The following EPC2 variants were observed in gnomAD, a reference collection of about 807,000 sequenced individuals.
EPC2 encodes the protein enhancer of polycomb 2.
A neutral mutation model predicts 92.1 loss-of-function variants in EPC2; 14 were observed. The observed-to-expected ratio is 0.15, with a 90% CI of 0.10 to 0.24. The LOEUF is 0.24. EPC2 is among the 10% of genes least tolerant of loss of function. The pLI is 1.00. For synonymous variants in EPC2, 340 were observed against 334.7 expected (o/e 1.02, Z -0.17); for missense variants, 755 against 971.5 (o/e 0.78, Z 2.96).
chr2:148,755,394 AC>A (rs1189715241), intron 4 of EPC2, among the ~76,000 whole-genome samples: 1 of 152,132 alleles, frequency 6.6e-6, no homozygotes, highest in Non-Finnish European at 1.5e-5. Flanking sequence ...AAAACCCTGA[AC>A]TATCAATCGC....
At chr2:148,761,332 CA>C (rs1370955935) in intron 4 of EPC2, among the ~76,000 whole-genome samples, 1 of 152,154 alleles carries the variant, frequency 6.6e-6, no homozygotes, top group Non-Finnish European at 1.5e-5. Context: ...TACAGTGTAT[CA>C]AACCATCCAG....
At chr2:148,720,102 G>C (rs1682339659) in intron 2 of EPC2, among the ~76,000 whole-genome samples, 1 of 152,114 alleles carries the variant, frequency 6.6e-6, no homozygotes, top group Admixed American at 6.5e-5. Flanking sequence ...GTCCCAGGGA[G>C]AGATAAGAAA....
In EPC2 at chr2:148,784,530, C is replaced by A. The variant is rs900113371; in HGVS notation, c.2018-138C>A. The A allele has an allele frequency of 7.5e-6, 5 of 665,088 alleles. No individual in the cohort carries two copies. In the African/African-American group the frequency reaches 9.1e-5, roughly 12 times the overall value. The allele number at this position is 665,088 out of a possible 1,614,324, so 41.2% of individuals were successfully genotyped here. A position where few individuals can be genotyped will look rare whatever the true frequency, so the allele number is the denominator to read the frequency against. The stretch of plus-strand genomic sequence containing the variant: ...ATTCTACTTAGTGATCAGAAGCTCC[C>A]TTTGGAGAGACCAGTGTGTGAAAAG... On this transcript the variant is annotated intron_variant, in intron 12 of 13. Transcript: ENST00000258484.
chr2:148,732,541 C>T lies in EPC2; in HGVS notation c.314-11081C>T, dbSNP rs1053601940. 7.9e-5 allele frequency among the ~76,000 whole-genome samples: 12 copies of T among 151,968 alleles called. 1 individual carries two copies. Among genetic ancestry groups the T allele is most frequent in the South Asian group, 2.1e-4 (1 of 4,818 alleles). ...GACTATAGGTGCGCGCTACTGTGCC[C>T]GGCTAATTTTTGTATTTTTTGTAAA... On this transcript the variant is annotated intron_variant, in intron 2 of 13. Transcript: ENST00000258484.
chr2:148,656,819 T>C (rs1200000436), intron 1 of EPC2, among the ~76,000 whole-genome samples: 1 of 152,216 alleles, frequency 6.6e-6, no homozygotes, highest in Non-Finnish European at 1.5e-5. Context: ...GATGAACACA[T>C]TTTAAGGTGT....
chr2:148,656,453 G>T (rs1680801000), intron 1 of EPC2, among the ~76,000 whole-genome samples: 1 of 152,088 alleles, frequency 6.6e-6, no homozygotes, highest in Admixed American at 6.6e-5. Flanking sequence ...ATGACCTCAA[G>T]TAGTAACTTG....
chr2:148,743,602 A>C lies in EPC2; in HGVS notation c.314-20A>C. 1.3e-6 allele frequency: 2 copies of C among 1,517,712 alleles called. No individual in the cohort carries two copies. The highest frequency in any genetic ancestry group is 1.8e-6 in the Non-Finnish European group (2 of 1,137,808). 94.0% of individuals were successfully genotyped at this position (1,517,712 alleles called of 1,614,324 possible). On this transcript the variant is annotated intron_variant, in intron 2 of 13. Transcript: ENST00000258484. ...TTCATAATTTCTCCTGAGTTTGAAG[A>C]ATTTTTCTTTCTTTTCTAGCTTTTA...
At chr2:148,763,648 A>C (rs1683347449) in intron 6 of EPC2, among the ~76,000 whole-genome samples, 2 of 151,948 alleles carry the variant, frequency 1.3e-5, no homozygotes, top group Non-Finnish European at 2.9e-5. Context: ...AGACTCCTTC[A>C]TTCAGCTCAT....
At chr2:148,716,345 A>G (rs1682261004) in intron 2 of EPC2, among the ~76,000 whole-genome samples, 1 of 152,002 alleles carries the variant, frequency 6.6e-6, no homozygotes, top group Non-Finnish European at 1.5e-5. Flanking sequence ...CCCATTCAGT[A>G]TGTTATTGGT....
At chr2:148,664,372 GCTGTAGTCCCAGCTA>G (rs1681016216) in intron 1 of EPC2, among the ~76,000 whole-genome samples, 1 of 152,076 alleles carries the variant, frequency 6.6e-6, no homozygotes, top group African/African-American at 2.4e-5. Context: ...GGTGCTGTGT[GCTGTAGTCCCAGCTA>G]CTCGGGAGGC....
Position 148,765,020 on chromosome 2 carries a change from A to G in EPC2, c.1014A>G (p.Pro338=), listed in dbSNP as rs779935777. The G allele has an allele frequency of 5.0e-6, 8 of 1,607,096 alleles. No individual in the cohort carries two copies. In the African/African-American group the frequency reaches 6.7e-5, roughly 13 times the overall value. The part of the protein sequence containing the change: ...SDVVRQKKKY[P]KKPKAEALIT... ...TGGTTCGTCAAAAGAAGAAGTACCCAAAGAAGCCTAAAGCAGAGGCTTTGA... is the reference window on the plus strand; with the variant it reads ...TGGTTCGTCAAAAGAAGAAGTACCCGAAGAAGCCTAAAGCAGAGGCTTTGA... The change falls in exon 7 of 14, where the codon CCA becomes CCG. Residue 338 remains proline (P), a synonymous_variant. Transcript: ENST00000258484.
At position 148,753,947 on chromosome 2, in the gene EPC2, A is replaced by G. The variant is rs759249514; in HGVS notation, c.480A>G (p.Ala160=). The G allele has an allele frequency of 1.8e-5, 29 of 1,610,920 alleles. No individual in the cohort carries two copies. Among genetic ancestry groups the G allele is most frequent in the Non-Finnish European group, 2.5e-5 (29 of 1,178,532 alleles). ...SSNQLVTLQE[A]KLLLNEDDYL... The stretch of plus-strand genomic sequence containing the variant: ...TTTAGCTTGTAACACTTCAAGAAGC[A>G]AAACTGCTGCTAAACGAAGATGATT... Residue 160 remains alanine (A), a synonymous_variant, in exon 4 of 14, where the codon GCA becomes GCG. Coordinates refer to ENST00000258484, the MANE Select transcript of EPC2 (RefSeq NM_015630.4).
intron 10 of EPC2, among the ~76,000 whole-genome samples, chr2:148,779,213 G>A (rs1160262735): frequency 6.6e-6 from 1 of 152,072 alleles, no homozygotes; most frequent in East Asian, 1.9e-4. Flanking sequence ...AAAAAGAAGT[G>A]GAACACAGCT....
At chr2:148,684,603 A>G (rs191876163) in intron 1 of EPC2, among the ~76,000 whole-genome samples, 81 of 152,350 alleles carry the variant, frequency 5.3e-4, no homozygotes, top group Admixed American at 2.7e-3. Flanking sequence ...ACTGTTTGGT[A>G]ATATTCATGA....
intron 2 of EPC2, among the ~76,000 whole-genome samples, chr2:148,725,032 G>T (rs1682465667): frequency 6.6e-6 from 1 of 151,838 alleles, no homozygotes; most frequent in Non-Finnish European, 1.5e-5. Flanking sequence ...AGTAGTATTT[G>T]GTATATAGTG....
intron 3 of EPC2, among the ~76,000 whole-genome samples, chr2:148,749,789 C>T (rs1683051739): frequency 6.6e-6 from 1 of 152,048 alleles, no homozygotes; most frequent in African/African-American, 2.4e-5. Context: ...TTAAAACCAC[C>T]ATACCATGCT....
intron 1 of EPC2, among the ~76,000 whole-genome samples, chr2:148,680,970 T>G (rs529005097): frequency 6.6e-6 from 1 of 152,332 alleles, no homozygotes; most frequent in East Asian, 1.9e-4. Context: ...GATAATAGGT[T>G]GGACTGCTTC....
At chr2:148,700,927 AT>A (rs1181554399) in intron 2 of EPC2, among the ~76,000 whole-genome samples, 3 of 151,838 alleles carry the variant, frequency 2.0e-5, no homozygotes, top group Admixed American at 2.0e-4. Flanking sequence ...ATATCTCTGC[AT>A]TTTTTTATTT....
chr2:148,681,036 G>A (rs1681383184), intron 1 of EPC2, among the ~76,000 whole-genome samples: 1 of 152,146 alleles, frequency 6.6e-6, no homozygotes, highest in African/African-American at 2.4e-5. Context: ...TAGATGGTGG[G>A]CAACTTGCCT....
Sources: gnomAD v4.1 joint callset for allele counts (sites outside exome capture counted in the v4.1 genomes callset) on GRCh38, gnomAD v4.1.1 for gene constraint, MANE v1.5 for transcripts, NCBI Gene and HGNC (gene_info 2026-07-23, HGNC 2026-07-21) for gene names.